Variants in TENM3 observed in about 807,000 individuals in gnomAD.
TENM3 encodes the protein teneurin transmembrane protein 3, also known as teneurin-3.
Under a neutral mutation model 255.1 loss-of-function variants are expected in TENM3, and 63 were observed. The ratio of observed to expected loss-of-function variants is 0.25; its 90% CI spans 0.20 to 0.30. The LOEUF (loss-of-function observed/expected upper bound fraction) is 0.30. Ranked by LOEUF, TENM3 falls within the 10% of genes least tolerant of loss-of-function variation. TENM3 has a pLI of 1.00. For missense variants in TENM3, 2,929 were observed against 3,461.1 expected, an observed-to-expected ratio of 0.85 and a Z score of 3.86; for synonymous variants, 1,306 against 1,322.3, an observed-to-expected ratio of 0.99 and a Z score of 0.27.
chr4:181,479,583 C>A, the TENM3 span, among the ~76,000 whole-genome samples: 2 of 152,022 alleles, frequency 1.3e-5, no homozygotes, highest in Admixed American at 1.3e-4. Context: ...ATAAATATGG[C>A]CTCTTTCAGA....
intron 3 of TENM3, among the ~76,000 whole-genome samples, chr4:182,527,263 TC>T (rs1464068834): frequency 1.3e-5 from 2 of 152,234 alleles, no homozygotes; most frequent in African/African-American, 4.8e-5. Flanking sequence ...TTTTTAACTT[TC>T]TGAAATTGGG....
the TENM3 span, among the ~76,000 whole-genome samples, chr4:182,007,894 C>T: frequency 3.9e-5 from 6 of 152,162 alleles, no homozygotes; most frequent in Non-Finnish European, 8.8e-5. Flanking sequence ...ATGCTTCTTT[C>T]AGGAGCTCTT....
intron 3 of TENM3, among the ~76,000 whole-genome samples, chr4:182,386,620 G>A (rs1016334623): frequency 6.0e-5 from 9 of 149,224 alleles, no homozygotes; most frequent in African/African-American, 1.5e-4. Flanking sequence ...CTGTAGTTCC[G>A]GGTGGGCGTG....
chr4:182,094,127 G>A, the TENM3 span, among the ~76,000 whole-genome samples: 1 of 152,080 alleles, frequency 6.6e-6, no homozygotes, highest in Non-Finnish European at 1.5e-5. Flanking sequence ...ACAGTAAGAG[G>A]GCTTGAAGAG....
In TENM3 at chr4:182,775,027, C is replaced by A. The variant is rs1424352403; in HGVS notation, c.5178C>A (p.Thr1726=). 3.1e-6 allele frequency: 5 copies of A among 1,614,026 alleles called. No individual in the cohort carries two copies. Among genetic ancestry groups the A allele is most frequent in the Non-Finnish European group, 4.2e-6 (5 of 1,179,902 alleles). The change falls in exon 24 of 28, where the codon ACC becomes ACA. Residue 1726 remains threonine (T), a synonymous_variant. Transcript: ENST00000511685. The part of the protein sequence containing the change: ...YQTEPHVLAG[T]ANPTVAKRNM... ...CAGAGCCGCACGTTCTGGCTGGCAC[C>A]GCTAATCCGACGGTTGCCAAAAGAA...
the TENM3 span, among the ~76,000 whole-genome samples, chr4:181,768,850 T>C: frequency 6.6e-6 from 1 of 152,168 alleles, no homozygotes; most frequent in Admixed American, 6.6e-5. Context: ...AAACATAAAA[T>C]GTATAGAGAA....
chr4:182,203,136 G>A lies in TENM3; in HGVS notation c.-76+58382G>A, dbSNP rs185069840. Among the ~76,000 whole-genome samples the A allele has an allele frequency of 1.6e-3, 244 of 151,980 alleles. 1 individual carries two copies. The highest frequency in any genetic ancestry group is 5.6e-3 in the African/African-American group (231 of 41,450). On this transcript the variant is annotated intron_variant, in intron 1 of 2. Coordinates refer to the TENM3 transcript ENST00000512480. Reference sequence around the variant, plus strand: ...GGAGGCTGAGGCAGGAGAATCACTTGAACCAGGGAGGTGGAGGTTGCAGTG... The same window carrying A: ...GGAGGCTGAGGCAGGAGAATCACTTAAACCAGGGAGGTGGAGGTTGCAGTG...
intron 3 of TENM3, among the ~76,000 whole-genome samples, chr4:182,592,510 G>GGT (rs1746769050): frequency 6.6e-6 from 1 of 152,306 alleles, no homozygotes; most frequent in East Asian, 1.9e-4. Context: ...GATCACCTGA[G>GGT]GTGAGGAGTT....
At chr4:181,891,043 CT>C in the TENM3 span, among the ~76,000 whole-genome samples, 1 of 152,128 alleles carries the variant, frequency 6.6e-6, no homozygotes, top group African/African-American at 2.4e-5. Flanking sequence ...AGGGCTTTCT[CT>C]TTTGAAGGCA....
At chr4:182,703,224 G>A (rs547654935) in intron 12 of TENM3, among the ~76,000 whole-genome samples, 13 of 152,276 alleles carry the variant, frequency 8.5e-5, no homozygotes, top group East Asian at 3.9e-4. Context: ...CAATAATGCC[G>A]GTGATGTCTT....
chr4:182,403,987 G>C (rs1214521027), intron 3 of TENM3, among the ~76,000 whole-genome samples: 1 of 152,222 alleles, frequency 6.6e-6, no homozygotes, highest in East Asian at 1.9e-4. Context: ...TTCCCGAAGT[G>C]CTGAGATTAC....
At chr4:182,750,296 A>G (rs1762281973) in intron 19 of TENM3, among the ~76,000 whole-genome samples, 1 of 152,172 alleles carries the variant, frequency 6.6e-6, no homozygotes, top group Non-Finnish European at 1.5e-5. Flanking sequence ...TGTCACTCAA[A>G]GGCTGGAAAG....
At chr4:182,026,776 G>A in the TENM3 span, among the ~76,000 whole-genome samples, 1 of 152,098 alleles carries the variant, frequency 6.6e-6, no homozygotes, top group South Asian at 2.1e-4. Context: ...CTGGAGGTGT[G>A]TGGATTTGTT....
At chr4:181,867,184 T>A in the TENM3 span, among the ~76,000 whole-genome samples, 1 of 152,196 alleles carries the variant, frequency 6.6e-6, no homozygotes, top group Non-Finnish European at 1.5e-5. Flanking sequence ...TACGAGTGAC[T>A]TAATCGCTAC....
chr4:182,579,261 G>C (rs10020106), intron 3 of TENM3, among the ~76,000 whole-genome samples: 9 of 152,208 alleles, frequency 5.9e-5, no homozygotes, highest in African/African-American at 2.2e-4. Context: ...TAGGCAGAGA[G>C]AGCAGCATTC....
the TENM3 span, among the ~76,000 whole-genome samples, chr4:181,869,291 C>G: frequency 6.6e-6 from 1 of 152,090 alleles, no homozygotes; most frequent in Non-Finnish European, 1.5e-5. Context: ...TTGCAGTCCT[C>G]TATATACCTA....
chr4:181,650,148 C>T, the TENM3 span, among the ~76,000 whole-genome samples: 14 of 152,126 alleles, frequency 9.2e-5, no homozygotes, highest in African/African-American at 2.2e-4. Context: ...CTCAAACTGG[C>T]GTATCACTCT....
At chr4:181,847,385 A>AT in the TENM3 span, among the ~76,000 whole-genome samples, 1 of 152,180 alleles carries the variant, frequency 6.6e-6, no homozygotes, top group East Asian at 1.9e-4. Flanking sequence ...AGAGATAACT[A>AT]TTAAATTTGA....
At chr4:181,995,672 A>T in the TENM3 span, among the ~76,000 whole-genome samples, 2 of 152,172 alleles carry the variant, frequency 1.3e-5, no homozygotes, top group African/African-American at 4.8e-5. Context: ...ATGTGTGTGT[A>T]AGTTATTTTA....
Sources: gnomAD v4.1 joint callset for allele counts (sites outside exome capture counted in the v4.1 genomes callset) on GRCh38, gnomAD v4.1.1 for gene constraint, MANE v1.5 for transcripts, NCBI Gene and HGNC (gene_info 2026-07-23, HGNC 2026-07-21) for gene names.